The following NANOS1 variants were observed in gnomAD, a reference collection of about 807,000 sequenced individuals.
NANOS1 encodes the protein nanos homolog 1.
NANOS1 carries 1 observed loss-of-function variant against 1.1 expected under a neutral mutation model. The ratio of observed to expected loss-of-function variants is 0.88; its 90% CI spans 0.31 to 4.20. NANOS1 has a LOEUF of 4.20. Ranked by LOEUF, NANOS1 falls within the 30% of genes most tolerant of loss-of-function variation. NANOS1 has a pLI of 0.17. For synonymous variants in NANOS1, 252 were observed against 230.6 expected (o/e 1.09, Z -0.84); for missense variants, 537 against 457.9 (o/e 1.17, Z -1.58).
rs1848048623 is a variant in NANOS1 at position 119,031,472 on chromosome 10, G to T, written c.*792G>T. 1 of 167,010 alleles carries T rather than the reference G, an allele frequency of 6.0e-6. No homozygotes were observed. Among genetic ancestry groups the T allele is most frequent in the Non-Finnish European group, 1.5e-5 (1 of 68,108 alleles). 10.3% of individuals were successfully genotyped at this position (167,010 alleles called of 1,614,324 possible). Reference sequence around the variant, plus strand: ...ATATTGTGTATAACTTGGAAATGGTGCTGTTTAAAAAAATTGTGTATTTAT... The same window carrying T: ...ATATTGTGTATAACTTGGAAATGGTTCTGTTTAAAAAAATTGTGTATTTAT... On this transcript the variant is annotated 3_prime_UTR_variant, in exon 1 of 1. Coordinates refer to ENST00000425699, the MANE Select transcript of NANOS1 (RefSeq NM_199461.4).
In NANOS1 at chr10:119,030,617, G is replaced by GCCGCCCGC; in HGVS notation, c.826_833dup (p.Pro279AlafsTer75). Reference sequence around the variant, plus strand: ...ACTGCCCGCTCTCCAAAGTGCCGCCGCCGCCCGCCCGCCCGCCGCCCCGCA... The same window carrying GCCGCCCGC: ...ACTGCCCGCTCTCCAAAGTGCCGCCGCCGCCCGCCCGCCCGCCCGCCCGCCGCCCCGCA... On this transcript the variant is annotated frameshift_variant, in exon 1 of 1. Coordinates refer to ENST00000425699, the MANE Select transcript of NANOS1 (RefSeq NM_199461.4). LOFTEE classifies it high-confidence loss of function. The surrounding 1 kb of genome is among the most constrained non-coding windows in gnomAD (Gnocchi z 5.3). 1 of 1,471,948 alleles carries GCCGCCCGC rather than the reference G, an allele frequency of 6.8e-7. No homozygotes were observed. The highest frequency in any genetic ancestry group is 2.2e-5 in the Admixed American group (1 of 46,116). 91.2% of individuals were successfully genotyped at this position (1,471,948 alleles called of 1,614,324 possible).
Position 119,030,148 on chromosome 10 carries a change from CG to C in NANOS1, c.351del (p.Ser118ProfsTer34), listed in dbSNP as rs1258421037. 1.5e-6 allele frequency: 2 copies of C among 1,356,648 alleles called. No individual in the cohort carries two copies. Among genetic ancestry groups the C allele is most frequent in the Middle Eastern group, 2.2e-4 (1 of 4,646 alleles). 84.0% of individuals were successfully genotyped at this position (1,356,648 alleles called of 1,614,324 possible). A position where few individuals can be genotyped will look rare whatever the true frequency, so the allele number is the denominator to read the frequency against. ...GACGACGACGACGACAGCGACGAGC[CG>C]GGGTCCCGGGGCCGCTACCTGGGGA... ...DEDDDDDSDE[P>X]GSRGRYLGSA... On this transcript the variant is annotated frameshift_variant, in exon 1 of 1. Transcript: ENST00000425699. LOFTEE classifies it low-confidence loss of function (END_TRUNC). This position sits in a 1 kb window ranked among gnomAD's most constrained non-coding sequence, Gnocchi z 5.3.
At position 119,032,185 on chromosome 10, in the gene NANOS1, T is replaced by A. The variant is rs1168882285; in HGVS notation, c.*1505T>A. On this transcript the variant is annotated 3_prime_UTR_variant, in exon 1 of 1. Transcript: ENST00000425699. ...CTAGGCTACTAGAAGTTAGACTGCT[T>A]TCGCATTAAACAGCTAACTTCATCC... 6.0e-6 allele frequency: 1 copy of A among 167,088 alleles called. No individual in the cohort carries two copies. The highest frequency in any genetic ancestry group is 2.4e-5 in the African/African-American group (1 of 41,456). The allele number at this position is 167,088 out of a possible 1,614,324, so 10.4% of individuals were successfully genotyped here. A position where few individuals can be genotyped will look rare whatever the true frequency, so the allele number is the denominator to read the frequency against.
Position 119,030,136 on chromosome 10 carries a change from A to C in NANOS1, c.335A>C (p.Asp112Ala). ...PPDYDEDDDD[D>A]SDEPGSRGRY... ...GACTACGACGAGGACGACGACGACG[A>C]CAGCGACGAGCCGGGGTCCCGGGGC... Residue 112 changes from aspartate (D) to alanine (A), a missense_variant, in exon 1 of 1, where the codon GAC becomes GCC. Asp to Ala is a moderately radical substitution (Grantham distance 126). Transcript: ENST00000425699. The surrounding 1 kb of genome is among the most constrained non-coding windows in gnomAD (Gnocchi z 5.3). The C allele has an allele frequency of 7.4e-7, 1 of 1,347,260 alleles. No homozygotes were observed. The highest frequency in any genetic ancestry group is 9.5e-7 in the Non-Finnish European group (1 of 1,053,216). 83.5% of individuals were successfully genotyped at this position (1,347,260 alleles called of 1,614,324 possible). A position where few individuals can be genotyped will look rare whatever the true frequency, so the allele number is the denominator to read the frequency against.
rs900488653 is a variant in NANOS1, at chr10:119,031,251, G to C, written c.*571G>C. On this transcript the variant is annotated 3_prime_UTR_variant, in exon 1 of 1. Coordinates refer to ENST00000425699, the MANE Select transcript of NANOS1 (RefSeq NM_199461.4). ...TAGCATCACCCTTATGAGAAGTGAA[G>C]GTTTTGTAAACTTTCCAGTATTAAT... The C allele has an allele frequency of 3.0e-5, 5 of 167,128 alleles. No individual in the cohort carries two copies. In the Admixed American group the frequency reaches 3.3e-4, roughly 11 times the overall value. 10.4% of individuals were successfully genotyped at this position (167,128 alleles called of 1,614,324 possible). A position where few individuals can be genotyped will look rare whatever the true frequency, so the allele number is the denominator to read the frequency against.
rs1031199147 is a variant in NANOS1 at position 119,031,589 on chromosome 10, G to C, written c.*909G>C. 5.4e-5 allele frequency: 9 copies of C among 166,708 alleles called. No homozygotes were observed. The highest frequency in any genetic ancestry group is 1.0e-4 in the Non-Finnish European group (7 of 68,118). The allele number at this position is 166,708 out of a possible 1,614,324, so 10.3% of individuals were successfully genotyped here. ...CACCCTCTTCCAGTTCTTTAAAAAC[G>C]TTTATGATATTAAGATCAAAGGGAG... On this transcript the variant is annotated 3_prime_UTR_variant, in exon 1 of 1. Transcript: ENST00000425699.
Position 119,030,566 on chromosome 10 carries a change from C to G in NANOS1, c.765C>G (p.Ser255Arg), listed in dbSNP as rs1848030521. ...RRYTCPLCGA[S>R]GDNAHTIKYC... Reference sequence around the variant, plus strand: ...ACACGTGTCCCCTGTGCGGCGCCAGCGGCGACAACGCGCACACCATCAAGT... The same window carrying G: ...ACACGTGTCCCCTGTGCGGCGCCAGGGGCGACAACGCGCACACCATCAAGT... Residue 255 changes from serine to arginine, a missense_variant, in exon 1 of 1, where the codon AGC becomes AGG. Ser to Arg is a moderately radical substitution (Grantham distance 110). Coordinates refer to ENST00000425699, the MANE Select transcript of NANOS1 (RefSeq NM_199461.4). The surrounding 1 kb of genome is among the most constrained non-coding windows in gnomAD (Gnocchi z 5.3). The G allele has an allele frequency of 6.5e-7, 1 of 1,528,848 alleles. No individual in the cohort carries two copies. The highest frequency in any genetic ancestry group is 1.4e-5 in the African/African-American group (1 of 70,346). The allele number at this position is 1,528,848 out of a possible 1,614,324, so 94.7% of individuals were successfully genotyped here.
At position 119,032,684 on chromosome 10, in the gene NANOS1, A is replaced by G. The variant is rs1297064209; in HGVS notation, c.*2004A>G. 6.0e-6 allele frequency: 1 copy of G among 167,132 alleles called. No individual in the cohort carries two copies. The highest frequency in any genetic ancestry group is 2.4e-5 in the African/African-American group (1 of 41,454). The allele number at this position is 167,132 out of a possible 1,614,324, so 10.4% of individuals were successfully genotyped here. On this transcript the variant is annotated 3_prime_UTR_variant, in exon 1 of 1. Transcript: ENST00000425699. ...TTGTATTTTCAGAGTCAAATTACAG[A>G]CGGTTTCCAAAGGTCTTGAGCATGG...
At position 119,030,721 on chromosome 10, in the gene NANOS1, C is replaced by T. The variant is rs1003085302; in HGVS notation, c.*41C>T. The T allele has an allele frequency of 1.9e-5, 24 of 1,273,872 alleles. No homozygotes were observed. Among genetic ancestry groups the T allele is most frequent in the South Asian group, 6.6e-5 (2 of 30,344 alleles). The allele number at this position is 1,273,872 out of a possible 1,614,324, so 78.9% of individuals were successfully genotyped here. A position where few individuals can be genotyped will look rare whatever the true frequency, so the allele number is the denominator to read the frequency against. ...GCCGCCCAGGGTCGCCGCCGCCCCT[C>T]GCACCGCTAGGTCTGCGCACCATCT... On this transcript the variant is annotated 3_prime_UTR_variant, in exon 1 of 1. Coordinates refer to ENST00000425699, the MANE Select transcript of NANOS1 (RefSeq NM_199461.4). This position sits in a 1 kb window ranked among gnomAD's most constrained non-coding sequence, Gnocchi z 5.3.
At position 119,030,851 on chromosome 10, in the gene NANOS1, G is replaced by C; in HGVS notation, c.*171G>C. On this transcript the variant is annotated 3_prime_UTR_variant, in exon 1 of 1. Coordinates refer to ENST00000425699, the MANE Select transcript of NANOS1 (RefSeq NM_199461.4). The surrounding 1 kb of genome is among the most constrained non-coding windows in gnomAD (Gnocchi z 5.3). ...CGACCGTGTGGAGTACTTCCGTGCT[G>C]AACGATTGGGACTAGACGCTGAAAT... 1.1e-6 allele frequency: 1 copy of C among 920,364 alleles called. No homozygotes were observed. Among genetic ancestry groups the C allele is most frequent in the Non-Finnish European group, 1.4e-6 (1 of 697,854 alleles). 57.0% of individuals were successfully genotyped at this position (920,364 alleles called of 1,614,324 possible). A position where few individuals can be genotyped will look rare whatever the true frequency, so the allele number is the denominator to read the frequency against.
In NANOS1 at chr10:119,029,786, G is replaced by A. The variant is rs1486133249; in HGVS notation, c.-16G>A. 2.3e-5 allele frequency: 23 copies of A among 1,003,928 alleles called. No individual in the cohort carries two copies. Among genetic ancestry groups the A allele is most frequent in the Non-Finnish European group, 2.4e-5 (20 of 843,606 alleles). 62.2% of individuals were successfully genotyped at this position (1,003,928 alleles called of 1,614,324 possible). A position where few individuals can be genotyped will look rare whatever the true frequency, so the allele number is the denominator to read the frequency against. Reference sequence around the variant, plus strand: ...CGCCGGCGGCGGGGAGGCGGCGCGCGGCCCGCAGCCCGCCCATGGAGGCTT... The same window carrying A: ...CGCCGGCGGCGGGGAGGCGGCGCGCAGCCCGCAGCCCGCCCATGGAGGCTT... On this transcript the variant is annotated 5_prime_UTR_variant, in exon 1 of 1. Transcript: ENST00000425699.
Position 119,030,304 on chromosome 10 carries a change from CCG to C in NANOS1, c.505_506del (p.Ala169ArgfsTer170), listed in dbSNP as rs1268433394. 1 of 1,132,930 alleles carries C rather than the reference CCG, an allele frequency of 8.8e-7. No individual in the cohort carries two copies. Among genetic ancestry groups the C allele is most frequent in the Non-Finnish European group, 1.1e-6 (1 of 925,860 alleles). 70.2% of individuals were successfully genotyped at this position (1,132,930 alleles called of 1,614,324 possible). A position where few individuals can be genotyped will look rare whatever the true frequency, so the allele number is the denominator to read the frequency against. On this transcript the variant is annotated frameshift_variant, in exon 1 of 1. Coordinates refer to ENST00000425699, the MANE Select transcript of NANOS1 (RefSeq NM_199461.4). LOFTEE classifies it low-confidence loss of function (END_TRUNC). The surrounding 1 kb of genome is among the most constrained non-coding windows in gnomAD (Gnocchi z 5.3). ...GCCGTGCTGCTGGGCTGCGCGCCCG[CCG>C]CCGCCGCCGCCGCCACCACCACCAG...
chr10:119,030,671 G>T lies in NANOS1; in HGVS notation c.870G>T (p.Lys290Asn). 7.4e-7 allele frequency: 1 copy of T among 1,342,928 alleles called. No homozygotes were observed. Among genetic ancestry groups the T allele is most frequent in the Non-Finnish European group, 9.5e-7 (1 of 1,048,030 alleles). 83.2% of individuals were successfully genotyped at this position (1,342,928 alleles called of 1,614,324 possible). ...RSARDGPPGK[K>N]LR is the part of the protein sequence containing the mutation. ...CCAGGGACGGCCCGCCTGGCAAGAA[G>T]CTGCGCTGAAGGCCCGGGCTCCCGG... Residue 290 changes from lysine (K) to asparagine (N), a missense_variant, in exon 1 of 1, where the codon AAG becomes AAT. By Grantham distance (94) the Lys-to-Asn change is moderately conservative (BLOSUM62 0). Transcript: ENST00000425699. The surrounding 1 kb of genome is among the most constrained non-coding windows in gnomAD (Gnocchi z 5.3).
In NANOS1 at chr10:119,030,227, G is replaced by T. The variant is rs1848023692; in HGVS notation, c.426G>T (p.Gly142=). The part of the protein sequence containing the change: ...LELCAGPAEA[G]LLEERFAELS... ...TGTGCGCGGGCCCCGCCGAGGCCGGGCTGCTGGAGGAGCGCTTCGCCGAGC... is the reference window on the plus strand; with the variant it reads ...TGTGCGCGGGCCCCGCCGAGGCCGGTCTGCTGGAGGAGCGCTTCGCCGAGC... The change falls in exon 1 of 1, where the codon GGG becomes GGT. Residue 142 remains glycine, a synonymous_variant. Transcript: ENST00000425699. The surrounding 1 kb of genome is among the most constrained non-coding windows in gnomAD (Gnocchi z 5.3). 2.3e-6 allele frequency: 3 copies of T among 1,282,734 alleles called. No individual in the cohort carries two copies. The highest frequency in any genetic ancestry group is 3.1e-5 in the African/African-American group (2 of 64,866). The allele number at this position is 1,282,734 out of a possible 1,614,324, so 79.5% of individuals were successfully genotyped here. A position where few individuals can be genotyped will look rare whatever the true frequency, so the allele number is the denominator to read the frequency against.
chr10:119,030,062 C>A lies in NANOS1; in HGVS notation c.261C>A (p.Pro87=). 1 of 1,333,626 alleles carries A rather than the reference C, an allele frequency of 7.5e-7. No homozygotes were observed. The highest frequency in any genetic ancestry group is 1.9e-5 in the South Asian group (1 of 52,834). 82.6% of individuals were successfully genotyped at this position (1,333,626 alleles called of 1,614,324 possible). A position where few individuals can be genotyped will look rare whatever the true frequency, so the allele number is the denominator to read the frequency against. The change falls in exon 1 of 1, where the codon CCC becomes CCA. Residue 87 remains proline (P), a synonymous_variant. Transcript: ENST00000425699. This position sits in a 1 kb window ranked among gnomAD's most constrained non-coding sequence, Gnocchi z 5.3. The part of the protein sequence containing the change: ...PSSSSSSCCS[P]HTGAGPGALG... ...CCTCCTCGTCGTCCTGCTGCTCCCC[C>A]CACACGGGGGCCGGGCCTGGGGCGC...
In NANOS1 at chr10:119,030,497, C is replaced by T. The variant is rs1449314866; in HGVS notation, c.696C>T (p.Leu232=). 2 of 1,514,318 alleles carry T rather than the reference C, an allele frequency of 1.3e-6. No individual in the cohort carries two copies. Among genetic ancestry groups the T allele is most frequent in the Non-Finnish European group, 1.8e-6 (2 of 1,134,296 alleles). 93.8% of individuals were successfully genotyped at this position (1,514,318 alleles called of 1,614,324 possible). The part of the protein sequence containing the change: ...EAMALYTTHI[L]KGPDGRVLCP... ...TGGCGCTCTACACCACCCATATCCT[C>T]AAGGGCCCCGACGGGCGAGTGCTGT... The change falls in exon 1 of 1, where the codon CTC becomes CTT. Residue 232 remains leucine, a synonymous_variant. Coordinates refer to ENST00000425699, the MANE Select transcript of NANOS1 (RefSeq NM_199461.4). This position sits in a 1 kb window ranked among gnomAD's most constrained non-coding sequence, Gnocchi z 5.3.
At position 119,029,760 on chromosome 10, in the gene NANOS1, G is replaced by A. The variant is rs1848011081; in HGVS notation, c.-42G>A. The A allele has an allele frequency of 1.0e-6, 1 of 971,802 alleles. No homozygotes were observed. Among genetic ancestry groups the A allele is most frequent in the South Asian group, 4.7e-5 (1 of 21,228 alleles). 60.2% of individuals were successfully genotyped at this position (971,802 alleles called of 1,614,324 possible). On this transcript the variant is annotated 5_prime_UTR_variant, in exon 1 of 1. Coordinates refer to ENST00000425699, the MANE Select transcript of NANOS1 (RefSeq NM_199461.4). ...TCGGCGTGTCCCTTCCGTCCGGCCC[G>A]CGCCGGCGGCGGGGAGGCGGCGCGC...
rs922186791 is a variant in NANOS1, at chr10:119,031,787, A to C, written c.*1107A>C. Reference sequence around the variant, plus strand: ...AAGGTTCCACCGTGGGCTGCGTCTGACTTTAATACAGGCAGTGCTCAAACT... The same window carrying C: ...AAGGTTCCACCGTGGGCTGCGTCTGCCTTTAATACAGGCAGTGCTCAAACT... On this transcript the variant is annotated 3_prime_UTR_variant, in exon 1 of 1. Transcript: ENST00000425699. 6.0e-6 allele frequency: 1 copy of C among 167,046 alleles called. No individual in the cohort carries two copies. Among genetic ancestry groups the C allele is most frequent in the Non-Finnish European group, 1.5e-5 (1 of 68,116 alleles). The allele number at this position is 167,046 out of a possible 1,614,324, so 10.3% of individuals were successfully genotyped here. A position where few individuals can be genotyped will look rare whatever the true frequency, so the allele number is the denominator to read the frequency against.
Position 119,031,005 on chromosome 10 carries a change from C to T in NANOS1, c.*325C>T. On this transcript the variant is annotated 3_prime_UTR_variant, in exon 1 of 1. Coordinates refer to ENST00000425699, the MANE Select transcript of NANOS1 (RefSeq NM_199461.4). ...TGTATACGTCGACCTATTTTAGATG[C>T]GCATCAGTATGAAATTGTCTCAATC... 1 of 270,894 alleles carries T rather than the reference C, an allele frequency of 3.7e-6. No individual in the cohort carries two copies. The highest frequency in any genetic ancestry group is 2.2e-5 in the African/African-American group (1 of 44,788). The allele number at this position is 270,894 out of a possible 1,614,324, so 16.8% of individuals were successfully genotyped here. A position where few individuals can be genotyped will look rare whatever the true frequency, so the allele number is the denominator to read the frequency against.
Sources: gnomAD v4.1 joint callset for allele counts on GRCh38, gnomAD v4.1.1 for gene constraint, Gnocchi (gnomAD v3.1) non-coding constraint, MANE v1.5 for transcripts, NCBI Gene and HGNC (gene_info 2026-07-23, HGNC 2026-07-21) for gene names.